Variants in KHDRBS2 observed in about 807,000 individuals in gnomAD.
The protein encoded by KHDRBS2 is KH domain-containing, RNA-binding, signal transduction-associated protein 2.
A neutral mutation model predicts 44.3 loss-of-function variants in KHDRBS2; 26 were observed. The ratio of observed to expected loss-of-function variants is 0.59; its 90% confidence interval spans 0.43 to 0.81. The LOEUF (loss-of-function observed/expected upper bound fraction) is 0.81. Among genes scored for constraint, KHDRBS2 ranks in the 40% least tolerant of loss-of-function variants. The probability of loss-of-function intolerance (pLI) is 0.00; values close to 1 mark genes in which losing one functional copy is unlikely to be tolerated. For missense variants in KHDRBS2, 476 were observed against 433.1 expected, an observed-to-expected ratio of 1.10 and a Z score of -0.88; for synonymous variants, 194 against 151.1, an observed-to-expected ratio of 1.28 and a Z score of -2.08.
Position 61,848,533 on chromosome 6 carries a change from A to G in KHDRBS2, c.810+46102T>C, listed in dbSNP as rs9767520. Among the ~76,000 whole-genome samples, 16 of 50,754 alleles carry G rather than the reference A, an allele frequency of 3.2e-4. 1 individual carries two copies. The highest frequency in any genetic ancestry group is 9.1e-3 in the Middle Eastern group (1 of 110). 33.3% of individuals were successfully genotyped at this position (50,754 alleles called of 152,430 possible). On this transcript the variant is annotated intron_variant, in intron 6 of 8. Transcript: ENST00000281156. Reference sequence around the variant, plus strand: ...TATGTATATATGTATATATATATACATATATATGTATATATATACATATAT... The same window carrying G: ...TATGTATATATGTATATATATATACGTATATATGTATATATATACATATAT...
intron 6 of KHDRBS2, among the ~76,000 whole-genome samples, chr6:61,878,521 G>C (rs1352701406): frequency 6.6e-6 from 1 of 152,014 alleles, no homozygotes. Flanking sequence ...TAGCAGAGCA[G>C]CATGAACTAG....
intron 1 of KHDRBS2, among the ~76,000 whole-genome samples, chr6:62,230,537 C>T (rs1301254935): frequency 1.3e-5 from 2 of 152,028 alleles, no homozygotes; most frequent in Admixed American, 6.5e-5. Context: ...AGTTAGAGCC[C>T]CACTCCCATT....
intron 2 of KHDRBS2, among the ~76,000 whole-genome samples, chr6:62,088,991 T>C (rs208974): frequency 0.98 from 148,991 of 152,236 alleles, 72,919 homozygotes; most frequent in East Asian, 1. Context: ...CCACCCAGTG[T>C]GAACTTCCAG....
intron 4 of KHDRBS2, among the ~76,000 whole-genome samples, chr6:61,940,460 T>C (rs1811922764): frequency 6.6e-6 from 1 of 152,062 alleles, no homozygotes; most frequent in South Asian, 2.1e-4. Context: ...GATTGTGCAA[T>C]GGAACTGCTC....
Position 61,751,945 on chromosome 6 carries a change from G to C in KHDRBS2, c.811-19181C>G, listed in dbSNP as rs532351226. Reference sequence around the variant, plus strand: ...CTTTCCTCTGTGTACACACTTCTCTGTGTGTGTGTGTGTGTCATAATCTCC... The same window carrying C: ...CTTTCCTCTGTGTACACACTTCTCTCTGTGTGTGTGTGTGTCATAATCTCC... On this transcript the variant is annotated intron_variant, in intron 6 of 8. Coordinates refer to ENST00000281156, the MANE Select transcript of KHDRBS2 (RefSeq NM_152688.4). Among the ~76,000 whole-genome samples the C allele has an allele frequency of 8.0e-5, 12 of 150,290 alleles. No homozygotes were observed. The South Asian group carries it at 1.3e-3, about 16-fold the overall frequency.
intron 4 of KHDRBS2, among the ~76,000 whole-genome samples, chr6:61,932,583 G>A (rs1293262106): frequency 2.0e-5 from 3 of 152,086 alleles, no homozygotes; most frequent in Non-Finnish European, 4.4e-5. Context: ...GGCGGATCAC[G>A]AGGTCAGGAG....
intron 8 of KHDRBS2, among the ~76,000 whole-genome samples, chr6:61,681,735 G>C (rs1766332279): frequency 1.3e-5 from 2 of 151,856 alleles, no homozygotes; most frequent in Non-Finnish European, 2.9e-5. Flanking sequence ...TGCTAATTTT[G>C]GCTAGGTTCC....
chr6:61,914,350 C>T (rs1806598485), intron 4 of KHDRBS2, among the ~76,000 whole-genome samples: 2 of 152,082 alleles, frequency 1.3e-5, no homozygotes, highest in Admixed American at 1.3e-4. Flanking sequence ...GGGCTTCCCT[C>T]TTCTCTATCT....
intron 6 of KHDRBS2, among the ~76,000 whole-genome samples, chr6:61,783,753 T>C (rs769825832): frequency 5.9e-5 from 9 of 152,066 alleles, no homozygotes; most frequent in Non-Finnish European, 1.3e-4. Flanking sequence ...TTTTATTTTA[T>C]ATAAAATTAC....
chr6:61,808,904 GA>G lies in KHDRBS2; in HGVS notation c.811-76141del, dbSNP rs776424478. On this transcript the variant is annotated intron_variant, in intron 6 of 8. Coordinates refer to ENST00000281156, the MANE Select transcript of KHDRBS2 (RefSeq NM_152688.4). ...AATAATTATATAAAAGGAATAAAGG[GA>G]AGAAAAAAGTAGAATGTTAAATGAA... is the stretch of plus-strand genomic sequence containing the variant. Among the ~76,000 whole-genome samples the G allele has an allele frequency of 8.4e-4, 128 of 151,688 alleles. 2 individuals are homozygous for G. The highest frequency in any genetic ancestry group is 1.5e-3 in the Non-Finnish European group (105 of 67,862).
the KHDRBS2 span, among the ~76,000 whole-genome samples, chr6:61,652,886 T>C: frequency 6.6e-6 from 1 of 152,082 alleles, no homozygotes; most frequent in African/African-American, 2.4e-5. Flanking sequence ...GCCTCTGTTG[T>C]GAACATGCCG....
intron 6 of KHDRBS2, among the ~76,000 whole-genome samples, chr6:61,872,601 T>A (rs1267755977): frequency 1.3e-5 from 2 of 152,034 alleles, no homozygotes; most frequent in East Asian, 1.9e-4. Context: ...TTGACAGTAA[T>A]TAAAGAAGAG....
At chr6:62,253,067 T>C (rs1310900573) in intron 1 of KHDRBS2, among the ~76,000 whole-genome samples, 2 of 152,004 alleles carry the variant, frequency 1.3e-5, no homozygotes, top group African/African-American at 4.8e-5. Context: ...ACCCCAGAGA[T>C]TTCTATAAAC....
chr6:61,847,895 A>G (rs1455632705), intron 6 of KHDRBS2, among the ~76,000 whole-genome samples: 2 of 138,930 alleles, frequency 1.4e-5, no homozygotes, highest in South Asian at 2.3e-4. Flanking sequence ...TATTTAATAA[A>G]GACTTTAAAA....
At chr6:62,218,632 T>C (rs1330418135) in intron 1 of KHDRBS2, among the ~76,000 whole-genome samples, 1 of 151,800 alleles carries the variant, frequency 6.6e-6, no homozygotes, top group Non-Finnish European at 1.5e-5. Context: ...AGAAAATAAA[T>C]ATTTAATAAA....
rs540846627 is a variant in KHDRBS2, at chr6:61,758,429, T to C, written c.811-25665A>G. Among the ~76,000 whole-genome samples, 17 of 152,026 alleles carry C rather than the reference T, an allele frequency of 1.1e-4. No homozygotes were observed. The South Asian group carries it at 3.3e-3, about 30-fold the overall frequency. The stretch of plus-strand genomic sequence containing the variant: ...CACTAGATCATGAATGTTTGACAAA[T>C]AGGTTCTTTGTCAATTTCCATCTTT... On this transcript the variant is annotated intron_variant, in intron 6 of 8. Coordinates refer to ENST00000281156, the MANE Select transcript of KHDRBS2 (RefSeq NM_152688.4).
chr6:62,107,235 T>G (rs1438363417), intron 2 of KHDRBS2, among the ~76,000 whole-genome samples: 5 of 152,132 alleles, frequency 3.3e-5, no homozygotes, highest in Non-Finnish European at 7.3e-5. Flanking sequence ...GATAAGCAAC[T>G]TCAGCAAAGT....
intron 4 of KHDRBS2, among the ~76,000 whole-genome samples, chr6:61,931,864 C>T (rs1810116670): frequency 6.6e-6 from 1 of 151,486 alleles, no homozygotes; most frequent in Non-Finnish European, 1.5e-5. Context: ...CCCATCCTTT[C>T]CTCCTCCTCC....
At chr6:62,101,950 T>C (rs1801997288) in intron 2 of KHDRBS2, among the ~76,000 whole-genome samples, 1 of 152,200 alleles carries the variant, frequency 6.6e-6, no homozygotes, top group Non-Finnish European at 1.5e-5. Flanking sequence ...GTATTACAAC[T>C]CTACCATGAA....
Sources: gnomAD v4.1 joint callset for allele counts (sites outside exome capture counted in the v4.1 genomes callset) on GRCh38, gnomAD v4.1.1 for gene constraint, MANE v1.5 for transcripts, NCBI Gene and HGNC (gene_info 2026-07-23, HGNC 2026-07-21) for gene names.